ALDH4A1: variants seen among roughly 807,000 people sequenced by gnomAD.
The protein encoded by ALDH4A1 is delta-1-pyrroline-5-carboxylate dehydrogenase, mitochondrial.
A neutral mutation model predicts 70.5 loss-of-function variants in ALDH4A1; 46 were observed. The ratio of observed to expected loss-of-function variants is 0.65; its 90% CI spans 0.51 to 0.83. The LOEUF (loss-of-function observed/expected upper bound fraction) is 0.83, where lower values mean the gene tolerates loss of function less well. ALDH4A1 is among the 40% of genes least tolerant of loss of function. The pLI is 0.00. For missense variants in ALDH4A1, 749 were observed against 766.5 expected (o/e 0.98, Z 0.27); for synonymous variants, 323 against 324.3 (o/e 1.00, Z 0.04).
At position 18,871,437 on chromosome 1, in the gene ALDH4A1, A is replaced by G. The variant is rs1934433426; in HGVS notation, c.*1408T>C. 6.6e-6 allele frequency: 1 copy of G among 152,302 alleles called. No individual in the cohort carries two copies. Among genetic ancestry groups the G allele is most frequent in the African/African-American group, 2.4e-5 (1 of 41,464 alleles). The allele number at this position is 152,302 out of a possible 1,614,324, so 9.4% of individuals were successfully genotyped here. On this transcript the variant is annotated 3_prime_UTR_variant, in exon 15 of 15. Transcript: ENST00000375341. ...GACCATCCACCACTGTGATTAAGTA[A>G]CAGGCATTTTATTGGGTGGCATCTG...
At chr1:18,886,374 G>GC in intron 4 of ALDH4A1, 90 bp downstream of exon 4, 1 of 1,445,130 alleles carries the variant, frequency 6.9e-7, no homozygotes, top group Non-Finnish European at 9.7e-7. Flanking sequence ...AGCAACTGAT[G>GC]CCCCCTGCCC....
chr1:18,874,338 G>T, intron 14 of ALDH4A1, 125 bp downstream of exon 14: 2 of 887,274 alleles, frequency 2.3e-6, no homozygotes, highest in South Asian at 1.5e-5. Flanking sequence ...TAGTGCACTT[G>T]CTTGGCCCAC....
chr1:18,879,794 G>A (rs924266273), intron 8 of ALDH4A1, among the ~76,000 whole-genome samples: 86 of 152,272 alleles, frequency 5.6e-4, no homozygotes, highest in Non-Finnish European at 1.0e-3. Context: ...TGTGGTCTGC[G>A]AAGGATCCCC....
intron 9 of ALDH4A1, 53 bp from the exon 10 acceptor site, chr1:18,877,665 C>T: frequency 7.0e-7 from 1 of 1,427,916 alleles, no homozygotes; most frequent in Non-Finnish European, 9.8e-7. Flanking sequence ...CCCCCGGTTG[C>T]CCAGGGGCCC....
At chr1:18,885,325 C>T in intron 5 of ALDH4A1, 148 bp downstream of exon 5, 1 of 748,984 alleles carries the variant, frequency 1.3e-6, no homozygotes, top group Non-Finnish European at 2.2e-6. Context: ...CATCCCAGCT[C>T]CTAGGCCTTG....
chr1:18,897,157 T>C, intron 1 of ALDH4A1: 1 of 491,040 alleles, frequency 2.0e-6, no homozygotes, highest in South Asian at 1.5e-5. Flanking sequence ...TCAAAGGAAA[T>C]GCTCATTGGA....
chr1:18,897,251 A>T (rs570811994), intron 1 of ALDH4A1: 21 of 376,646 alleles, frequency 5.6e-5, no homozygotes, highest in South Asian at 4.0e-4. Flanking sequence ...CCAATATACA[A>T]AACACTTCCG....
Position 18,881,699 on chromosome 1 carries a change from C to T in ALDH4A1, c.866+1G>A, listed in dbSNP as rs78532707. On this transcript the variant is annotated splice_donor_variant, in intron 8 of 14. Transcript: ENST00000375341. LOFTEE classifies it high-confidence loss of function. Reference sequence around the variant, plus strand: ...AGCCTACACCATCCCCAGGGACTTACGGCACACTGCCTGTGAAGTTGATGC... The same window carrying T: ...AGCCTACACCATCCCCAGGGACTTATGGCACACTGCCTGTGAAGTTGATGC... The T allele has an allele frequency of 1.1e-4, 185 of 1,613,838 alleles. No individual in the cohort carries two copies. The highest frequency in any genetic ancestry group is 4.9e-4 in the Middle Eastern group (3 of 6,084).
At chr1:18,877,937 C>T (rs576346315) in intron 9 of ALDH4A1, among the ~76,000 whole-genome samples, 3 of 152,152 alleles carry the variant, frequency 2.0e-5, no homozygotes, top group African/African-American at 7.2e-5. Context: ...GAACCCAAGG[C>T]CCCCGAGAGC....
rs547129247 is a variant in ALDH4A1, at chr1:18,900,985, T to C, written c.62+1477A>G. 3.4e-6 allele frequency: 3 copies of C among 894,338 alleles called. No individual in the cohort carries two copies. In the South Asian group the frequency reaches 1.5e-4, roughly 46 times the overall value. 55.4% of individuals were successfully genotyped at this position (894,338 alleles called of 1,614,324 possible). A position where few individuals can be genotyped will look rare whatever the true frequency, so the allele number is the denominator to read the frequency against. ...TCTACTAGATATTGGAGGGTTTTCC[T>C]ATGCATTTCTCCCCTATTAAGCCGA... On this transcript the variant is annotated intron_variant, in intron 1 of 14. Transcript: ENST00000375341.
chr1:18,889,302 C>T (rs1935340834), intron 3 of ALDH4A1, 60 bp downstream of exon 3: 1 of 1,446,274 alleles, frequency 6.9e-7, no homozygotes, highest in African/African-American at 1.4e-5. Flanking sequence ...TACGAGCTGT[C>T]AGAGAAAGAG....
chr1:18,885,323 C>G lies in ALDH4A1; in HGVS notation c.453+150G>C, dbSNP rs898006319. 9.6e-6 allele frequency: 7 copies of G among 731,812 alleles called. No individual in the cohort carries two copies. The African/African-American group carries it at 1.2e-4, about 13-fold the overall frequency. The allele number at this position is 731,812 out of a possible 1,614,324, so 45.3% of individuals were successfully genotyped here. On this transcript the variant is annotated intron_variant, in intron 5 of 14. Coordinates refer to ENST00000375341, the MANE Select transcript of ALDH4A1 (RefSeq NM_003748.4). ...AATAATCTGTGATCATCCATCCCAG[C>G]TCCTAGGCCTTGTCCCTTGAGGACA...
chr1:18,877,391 C>T (rs1388511680), intron 10 of ALDH4A1, 25 bp downstream of exon 10: 6 of 1,554,818 alleles, frequency 3.9e-6, no homozygotes, highest in Middle Eastern at 1.8e-4. Context: ...CGCTGGGCCG[C>T]GGCGGGGGTG....
chr1:18,900,361 C>T (rs933753153), intron 1 of ALDH4A1, among the ~76,000 whole-genome samples: 7 of 152,190 alleles, frequency 4.6e-5, no homozygotes, highest in African/African-American at 1.2e-4. Flanking sequence ...TGGCATGTCA[C>T]GGGTGTGCTC....
intron 2 of ALDH4A1, among the ~76,000 whole-genome samples, 192 bp downstream of exon 2, chr1:18,889,820 C>T (rs1244512819): frequency 6.6e-6 from 1 of 152,224 alleles, no homozygotes; most frequent in African/African-American, 2.4e-5. Context: ...AGAGTAGCTC[C>T]AGGCTGCCAC....
At chr1:18,894,429 G>C (rs1935547392) in intron 1 of ALDH4A1, among the ~76,000 whole-genome samples, 1 of 152,232 alleles carries the variant, frequency 6.6e-6, no homozygotes, top group African/African-American at 2.4e-5. Context: ...TATACACCCA[G>C]CTACTCAGGA....
chr1:18,877,944 G>C lies in ALDH4A1; in HGVS notation c.941-332C>G, dbSNP rs1352388523. On this transcript the variant is annotated intron_variant, in intron 9 of 14. Transcript: ENST00000375341. Reference sequence around the variant, plus strand: ...ACAGATGAGAACCCAAGGCCCCCGAGAGCCAGCCATTCCCAGAAGTGGGCA... The same window carrying C: ...ACAGATGAGAACCCAAGGCCCCCGACAGCCAGCCATTCCCAGAAGTGGGCA... 3.3e-5 allele frequency among the ~76,000 whole-genome samples: 5 copies of C among 152,296 alleles called. No individual in the cohort carries two copies. In the East Asian group the frequency reaches 5.8e-4, roughly 18 times the overall value.
In ALDH4A1 at chr1:18,875,558, G is replaced by T. The variant is rs535813291; in HGVS notation, c.1339-55C>A. On this transcript the variant is annotated intron_variant, in intron 12 of 14. Transcript: ENST00000375341. The stretch of plus-strand genomic sequence containing the variant: ...CCACGGGACCAGGGACCAGGGCCCT[G>T]AGCCCTCCCAGTGCCCCTGCTCTGG... 136 of 1,612,816 alleles carry T rather than the reference G, an allele frequency of 8.4e-5. No homozygotes were observed. The African/African-American group carries it at 1.6e-3, about 19-fold the overall frequency.
intron 13 of ALDH4A1, 33 bp downstream of exon 13, chr1:18,875,349 G>GCA: frequency 1.2e-6 from 2 of 1,613,754 alleles, no homozygotes; most frequent in East Asian, 4.5e-5. Context: ...GACACCCGGA[G>GCA]CACAGCACCA....
Sources: gnomAD v4.1 joint callset for allele counts (sites outside exome capture counted in the v4.1 genomes callset) on GRCh38, gnomAD v4.1.1 for gene constraint, MANE v1.5 for transcripts, NCBI Gene and HGNC (gene_info 2026-07-23, HGNC 2026-07-21) for gene names.